Variants in BCKDHB observed in about 807,000 individuals in gnomAD.
BCKDHB encodes the protein 2-oxoisovalerate dehydrogenase subunit beta, mitochondrial.
A neutral mutation model predicts 48.5 loss-of-function variants in BCKDHB; 41 were observed. The observed-to-expected ratio is 0.85, with a 90% CI of 0.66 to 1.10. The LOEUF is 1.10. Among genes scored for constraint, BCKDHB ranks in the 50% least tolerant of loss-of-function variants. The pLI, the probability that BCKDHB is intolerant of heterozygous loss-of-function variation, is 0.00. For missense variants in BCKDHB, 496 were observed against 494.2 expected, an observed-to-expected ratio of 1.00 and a Z score of -0.03; for synonymous variants, 201 against 174.8, an observed-to-expected ratio of 1.15 and a Z score of -1.18.
At chr6:80,222,070 A>G (rs999407265) in intron 8 of BCKDHB, among the ~76,000 whole-genome samples, 12 of 152,154 alleles carry the variant, frequency 7.9e-5, no homozygotes, top group Admixed American at 4.6e-4. Context: ...TTACCCAAAT[A>G]CTGAACATTG....
At chr6:80,358,258 A>G in the BCKDHB span, among the ~76,000 whole-genome samples, 3 of 152,188 alleles carry the variant, frequency 2.0e-5, no homozygotes, top group African/African-American at 7.2e-5. Context: ...AGGATGCCAT[A>G]TATCTGTAGA....
chr6:80,308,470 A>G (rs1290472930), intron 9 of BCKDHB, among the ~76,000 whole-genome samples: 1 of 152,200 alleles, frequency 6.6e-6, no homozygotes, highest in Non-Finnish European at 1.5e-5. Flanking sequence ...TACTACATAC[A>G]TTAAGCAAAG....
In BCKDHB at chr6:80,141,180, C is replaced by A. The variant is rs373164275; in HGVS notation, c.343+11951C>A. Reference sequence around the variant, plus strand: ...CTTTATCATTTTTAATGCGTCTATTCGATTCTTCTCTCTTTTCTTCTTTAT... The same window carrying A: ...CTTTATCATTTTTAATGCGTCTATTAGATTCTTCTCTCTTTTCTTCTTTAT... On this transcript the variant is annotated intron_variant, in intron 3 of 9. Coordinates refer to ENST00000320393, the MANE Select transcript of BCKDHB (RefSeq NM_183050.4). Among the ~76,000 whole-genome samples the A allele has an allele frequency of 4.6e-5, 7 of 151,778 alleles. 1 individual carries two copies. The South Asian group carries it at 1.5e-3, about 32-fold the overall frequency.
intron 3 of BCKDHB, among the ~76,000 whole-genome samples, chr6:80,156,839 C>T (rs934651801): frequency 3.9e-5 from 6 of 152,130 alleles, no homozygotes; most frequent in African/African-American, 1.4e-4. Context: ...GACATTTCAG[C>T]AGAAAACCGT....
chr6:80,315,235 G>C (rs1227935730), intron 9 of BCKDHB, among the ~76,000 whole-genome samples: 1 of 152,170 alleles, frequency 6.6e-6, no homozygotes, highest in Admixed American at 6.5e-5. Flanking sequence ...CAACCGCTCT[G>C]TTGAGACTCC....
chr6:80,133,934 T>C (rs1053732469), intron 3 of BCKDHB, among the ~76,000 whole-genome samples: 1 of 152,178 alleles, frequency 6.6e-6, no homozygotes, highest in Non-Finnish European at 1.5e-5. Context: ...TGAGCCACTG[T>C]GCCTGGTGTC....
chr6:80,249,667 A>G (rs1182785502), intron 8 of BCKDHB, among the ~76,000 whole-genome samples: 3 of 152,164 alleles, frequency 2.0e-5, no homozygotes, highest in African/African-American at 7.2e-5. Flanking sequence ...GGTGGAGGTA[A>G]GAGGGTGGAG....
chr6:80,436,379 G>T, the BCKDHB span, among the ~76,000 whole-genome samples: 4 of 151,660 alleles, frequency 2.6e-5, no homozygotes, highest in Admixed American at 1.3e-4. Context: ...AGCCAGGATG[G>T]TCTCCATCTC....
chr6:80,147,160 T>C (rs1582231773), intron 3 of BCKDHB, among the ~76,000 whole-genome samples: 2 of 152,180 alleles, frequency 1.3e-5, no homozygotes, highest in East Asian at 3.9e-4. Context: ...TAAAGTTAGT[T>C]CTATTCTTAT....
At chr6:80,348,621 C>G (rs936052321), downstream of BCKDHB, among the ~76,000 whole-genome samples, 1 of 152,156 alleles carries the variant, frequency 6.6e-6, no homozygotes, top group Admixed American at 6.5e-5. Context: ...ACACTGCAGT[C>G]TAAAAGACTG....
chr6:80,190,705 T>A (rs1449864594), intron 6 of BCKDHB, among the ~76,000 whole-genome samples: 1 of 152,232 alleles, frequency 6.6e-6, no homozygotes, highest in Non-Finnish European at 1.5e-5. Flanking sequence ...AATTTAAATC[T>A]CTGTTAGGTC....
chr6:80,394,111 G>T, the BCKDHB span, among the ~76,000 whole-genome samples: 3 of 152,212 alleles, frequency 2.0e-5, no homozygotes, highest in South Asian at 2.1e-4. Flanking sequence ...GTTCCTCCAA[G>T]TTGGGAAACT....
chr6:80,401,064 G>A, the BCKDHB span, among the ~76,000 whole-genome samples: 4 of 148,228 alleles, frequency 2.7e-5, no homozygotes, highest in Non-Finnish European at 5.9e-5. Flanking sequence ...GCCTATTGAA[G>A]GGTGAAGGGT....
intron 8 of BCKDHB, among the ~76,000 whole-genome samples, chr6:80,206,768 T>G (rs1774684919): frequency 6.6e-6 from 1 of 151,912 alleles, no homozygotes; most frequent in Non-Finnish European, 1.5e-5. Flanking sequence ...TGGGATCTGG[T>G]CAAAAGATCT....
chr6:80,203,965 T>TGTATA (rs3840388), intron 8 of BCKDHB, among the ~76,000 whole-genome samples: 98,905 of 151,364 alleles, frequency 0.65, 33,140 homozygotes, highest in African/African-American at 0.8. Context: ...TCTAGCTACA[T>TGTATA]GTAAATTATA....
At chr6:80,367,051 C>T in the BCKDHB span, among the ~76,000 whole-genome samples, 2 of 152,310 alleles carry the variant, frequency 1.3e-5, no homozygotes, top group Non-Finnish European at 2.9e-5. Context: ...TTTCATGACT[C>T]ATATTATCCT....
intron 3 of BCKDHB, among the ~76,000 whole-genome samples, chr6:80,157,529 G>T (rs1367176401): frequency 7.2e-6 from 1 of 138,198 alleles, no homozygotes; most frequent in Admixed American, 8.6e-5. Flanking sequence ...GCAATGGCAC[G>T]ATCTTGGCTC....
the BCKDHB span, among the ~76,000 whole-genome samples, chr6:80,428,842 G>A: frequency 6.6e-6 from 1 of 152,142 alleles, no homozygotes; most frequent in African/African-American, 2.4e-5. Context: ...TCTGATGATA[G>A]TTTCTTTTGC....
the BCKDHB span, among the ~76,000 whole-genome samples, chr6:80,364,400 G>A: frequency 2.6e-5 from 4 of 152,270 alleles, no homozygotes; most frequent in East Asian, 1.9e-4. Context: ...GCATTTGGCC[G>A]GGAGGGAGAG....
Sources: gnomAD v4.1 joint callset for allele counts (sites outside exome capture counted in the v4.1 genomes callset) on GRCh38, gnomAD v4.1.1 for gene constraint, MANE v1.5 for transcripts, NCBI Gene and HGNC (gene_info 2026-07-23, HGNC 2026-07-21) for gene names.